The following DPP10 variants were observed in gnomAD, a reference collection of about 807,000 sequenced individuals.
DPP10 encodes the protein dipeptidyl peptidase like 10, also known as inactive dipeptidyl peptidase 10.
A neutral mutation model predicts 120.9 loss-of-function variants in DPP10; 33 were observed. The observed-to-expected ratio is 0.27, with a 90% CI of 0.21 to 0.37. DPP10 has a LOEUF of 0.37. Among genes scored for constraint, DPP10 ranks in the 10% least tolerant of loss-of-function variants. DPP10 has a pLI of 1.00. For missense variants in DPP10, 816 were observed against 942.8 expected, an observed-to-expected ratio of 0.87 and a Z score of 1.76; for synonymous variants, 337 against 326.1, an observed-to-expected ratio of 1.03 and a Z score of -0.36.
chr2:114,823,806 T>C (rs1686302477), intron 1 of DPP10, among the ~76,000 whole-genome samples: 3 of 152,086 alleles, frequency 2.0e-5, no homozygotes, highest in Admixed American at 1.3e-4. Context: ...AGGAGGGAAA[T>C]AAAATAACCC....
chr2:114,494,599 T>C (rs1682339291), intron 1 of DPP10, among the ~76,000 whole-genome samples: 1 of 152,132 alleles, frequency 6.6e-6, no homozygotes, highest in African/African-American at 2.4e-5. Flanking sequence ...GCTACAAGGA[T>C]TAGGAAATCC....
intron 1 of DPP10, among the ~76,000 whole-genome samples, chr2:115,026,392 C>T (rs1200926833): frequency 2.0e-5 from 3 of 152,008 alleles, no homozygotes; most frequent in South Asian, 2.1e-4. Flanking sequence ...TGTTTTTATG[C>T]CAGTACCATA....
chr2:115,458,268 T>C (rs989186580), intron 3 of DPP10, among the ~76,000 whole-genome samples: 2 of 152,168 alleles, frequency 1.3e-5, no homozygotes, highest in African/African-American at 4.8e-5. Context: ...TGATATGGAC[T>C]GGAGGAAATT....
chr2:115,203,537 GT>G (rs2055893866), intron 1 of DPP10, among the ~76,000 whole-genome samples: 1 of 152,042 alleles, frequency 6.6e-6, no homozygotes, highest in South Asian at 2.1e-4. Flanking sequence ...AGAACTAAGG[GT>G]GATATGCTCC....
intron 1 of DPP10, among the ~76,000 whole-genome samples, chr2:114,664,771 T>G (rs111539678): frequency 8.4e-5 from 12 of 142,610 alleles, no homozygotes; most frequent in Non-Finnish European, 1.7e-4. Context: ...AAAGATGGCA[T>G]AGAGCATCCA....
At chr2:115,005,638 G>T (rs1214973034) in intron 1 of DPP10, among the ~76,000 whole-genome samples, 1 of 152,070 alleles carries the variant, frequency 6.6e-6, no homozygotes, top group Non-Finnish European at 1.5e-5. Flanking sequence ...TGAAATGAAT[G>T]AAATGAAGCG....
intron 1 of DPP10, among the ~76,000 whole-genome samples, chr2:115,103,846 C>T (rs1227639500): frequency 1.3e-5 from 2 of 152,120 alleles, no homozygotes; most frequent in Non-Finnish European, 2.9e-5. Flanking sequence ...CAGGAATGTA[C>T]TGGTTGATAA....
At chr2:115,681,735 T>C (rs1451693845) in intron 5 of DPP10, among the ~76,000 whole-genome samples, 1 of 150,258 alleles carries the variant, frequency 6.7e-6, no homozygotes, top group Non-Finnish European at 1.5e-5. Flanking sequence ...CCTTCCTTTC[T>C]TCCTTTCTCT....
chr2:115,435,264 C>T (rs1217257227), intron 3 of DPP10, among the ~76,000 whole-genome samples: 2 of 151,602 alleles, frequency 1.3e-5, no homozygotes, highest in Non-Finnish European at 3.0e-5. Context: ...CACTATATTG[C>T]TTGTTTTTCA....
intron 4 of DPP10, among the ~76,000 whole-genome samples, chr2:115,513,862 G>A (rs974234398): frequency 2.6e-5 from 4 of 151,926 alleles, no homozygotes; most frequent in African/African-American, 9.7e-5. Context: ...GTCATTTTGT[G>A]TCTTCATGTG....
chr2:114,691,076 T>A (rs911200450), intron 1 of DPP10, among the ~76,000 whole-genome samples: 1 of 152,074 alleles, frequency 6.6e-6, no homozygotes, highest in Admixed American at 6.6e-5. Context: ...TCTTGCCTAA[T>A]TGCCCTGGCC....
rs143334819 is a variant in DPP10, at chr2:115,296,259, C to G, written c.61-12980C>G. Among the ~76,000 whole-genome samples, 248 of 152,116 alleles carry G rather than the reference C, an allele frequency of 1.6e-3. 4 individuals carry two copies. Among genetic ancestry groups the G allele is most frequent in the African/African-American group, 5.4e-3 (226 of 41,536 alleles). ...GAATTGCCAAATTTTCACCCAGATG[C>G]TCGGCGGCCTCTAAAGGTCGGTGGT... On this transcript the variant is annotated intron_variant, in intron 1 of 25. Coordinates refer to ENST00000410059, the MANE Select transcript of DPP10 (RefSeq NM_020868.6).
intron 1 of DPP10, among the ~76,000 whole-genome samples, chr2:115,206,249 T>C (rs2056117871): frequency 6.6e-6 from 1 of 152,156 alleles, no homozygotes; most frequent in Admixed American, 6.5e-5. Context: ...TTATGTTTGG[T>C]AAATATGTTA....
chr2:115,792,832 T>G lies in DPP10; in HGVS notation c.1700+1476T>G, dbSNP rs1478066733. On this transcript the variant is annotated intron_variant, in intron 19 of 25. Transcript: ENST00000410059. ...AATAAACTTTCTCAAGGAAGGGACA[T>G]CCCTCAGGCACATCCTAGGCATCCC... Among the ~76,000 whole-genome samples the G allele has an allele frequency of 2.6e-5, 4 of 152,300 alleles. No individual in the cohort carries two copies. In the South Asian group the frequency reaches 6.2e-4, roughly 24 times the overall value.
chr2:115,763,857 T>C (rs992953512), intron 12 of DPP10, among the ~76,000 whole-genome samples: 18 of 152,212 alleles, frequency 1.2e-4, no homozygotes, highest in Non-Finnish European at 1.8e-4. Context: ...GAAAGCTTTT[T>C]CAGCTCTGAG....
chr2:115,056,435 A>G (rs1705920304), intron 1 of DPP10, among the ~76,000 whole-genome samples: 1 of 151,968 alleles, frequency 6.6e-6, no homozygotes, highest in African/African-American at 2.4e-5. Flanking sequence ...CTGGAGTGCA[A>G]TGGCACCATC....
intron 17 of DPP10, among the ~76,000 whole-genome samples, chr2:115,786,114 AGCG>A (rs71933100): frequency 0.011 from 1,737 of 152,294 alleles, 20 homozygotes; most frequent in South Asian, 0.028. Context: ...ACACATAGAC[AGCG>A]TAGTCCAATG....
At chr2:115,814,086 T>C (rs989613738) in intron 19 of DPP10, among the ~76,000 whole-genome samples, 26 of 152,206 alleles carry the variant, frequency 1.7e-4, no homozygotes, top group African/African-American at 6.0e-4. Flanking sequence ...TGTACCTTCT[T>C]TTCCCTGTGG....
At chr2:114,567,426 G>C (rs1309162060) in intron 1 of DPP10, among the ~76,000 whole-genome samples, 3 of 152,064 alleles carry the variant, frequency 2.0e-5, no homozygotes, top group African/African-American at 4.8e-5. Context: ...ATAATCATAA[G>C]GGTTGTTTTA....
Sources: allele counts gnomAD v4.1 joint callset (sites outside exome capture counted in the v4.1 genomes callset), GRCh38; gene constraint gnomAD v4.1.1; transcripts MANE v1.5; gene names NCBI Gene and HGNC (gene_info 2026-07-23, HGNC 2026-07-21).